GRHL2: variants seen among roughly 807,000 people sequenced by gnomAD.
The protein encoded by GRHL2 is grainyhead-like protein 2 homolog.
GRHL2 carries 21 observed loss-of-function variants against 83.8 expected under a neutral mutation model. The ratio of observed to expected loss-of-function variants is 0.25; its 90% CI spans 0.18 to 0.36. GRHL2 has a LOEUF of 0.36. GRHL2 is among the 10% of genes least tolerant of loss of function. GRHL2 has a pLI of 1.00. For missense variants in GRHL2, 623 were observed against 781.8 expected (o/e 0.80, Z 2.42); for synonymous variants, 280 against 278.9 (o/e 1.00, Z -0.04).
At chr8:101,528,309 G>A (rs550648074) in intron 1 of GRHL2, among the ~76,000 whole-genome samples, 13 of 152,016 alleles carry the variant, frequency 8.6e-5, no homozygotes, top group African/African-American at 1.4e-4. Context: ...TTCAGTCCTC[G>A]TACAAACTTT....
chr8:101,672,347 A>T (rs1937541799), downstream of GRHL2, among the ~76,000 whole-genome samples: 1 of 151,756 alleles, frequency 6.6e-6, no homozygotes, highest in Non-Finnish European at 1.5e-5. Context: ...ACCAATGCAG[A>T]GAAGTCCTTA....
rs56301334 is a variant in GRHL2 at position 101,643,369 on chromosome 8, C to CAAAA, written c.1518-738_1518-735dup. Reference sequence around the variant, plus strand: ...CTATCCTCTTAGTTTCTGTTTCTCTCAAAAAAAAAAAAAAAAAAAAAAAAA... The same window carrying CAAAA: ...CTATCCTCTTAGTTTCTGTTTCTCTCAAAAAAAAAAAAAAAAAAAAAAAAAAAAA... On this transcript the variant is annotated intron_variant, in intron 12 of 15. Coordinates refer to ENST00000646743, the MANE Select transcript of GRHL2 (RefSeq NM_024915.4). Among the ~76,000 whole-genome samples the CAAAA allele has an allele frequency of 3.5e-3, 335 of 96,928 alleles. 6 individuals are homozygous for CAAAA. The highest frequency in any genetic ancestry group is 9.8e-3 in the African/African-American group (271 of 27,598). 63.6% of individuals were successfully genotyped at this position (96,928 alleles called of 152,430 possible). A position where few individuals can be genotyped will look rare whatever the true frequency, so the allele number is the denominator to read the frequency against.
intron 6 of GRHL2, among the ~76,000 whole-genome samples, chr8:101,574,801 CAA>C (rs1176019845): frequency 6.6e-6 from 1 of 152,180 alleles, no homozygotes; most frequent in Non-Finnish European, 1.5e-5. Flanking sequence ...ATAATAATAA[CAA>C]GAGTCATAAA....
chr8:101,655,316 T>C (rs984557022), intron 14 of GRHL2, among the ~76,000 whole-genome samples: 5 of 152,212 alleles, frequency 3.3e-5, no homozygotes, highest in African/African-American at 1.2e-4. Flanking sequence ...ATCATAACTG[T>C]GTAGTCTTGA....
downstream of GRHL2, among the ~76,000 whole-genome samples, chr8:101,674,674 T>C (rs1030254196): frequency 9.9e-5 from 15 of 151,952 alleles, no homozygotes; most frequent in Admixed American, 2.6e-4. Context: ...TTCCAATCAA[T>C]AGAAAAAGAG....
At chr8:101,573,569 T>G in intron 5 of GRHL2, 99 bp from the exon 6 acceptor site, 7 of 1,415,472 alleles carry the variant, frequency 4.9e-6, no homozygotes, top group Non-Finnish European at 7.0e-6. Flanking sequence ...ACAGTAAACA[T>G]TGGTTAATGT....
intron 9 of GRHL2, among the ~76,000 whole-genome samples, chr8:101,626,260 A>T (rs1456805656): frequency 6.6e-6 from 1 of 152,008 alleles, no homozygotes; most frequent in Non-Finnish European, 1.5e-5. Context: ...TTGATTTCTA[A>T]TTAATCAATC....
the GRHL2 span, among the ~76,000 whole-genome samples, chr8:101,678,396 A>T: frequency 6.6e-6 from 1 of 152,104 alleles, no homozygotes; most frequent in African/African-American, 2.4e-5. Context: ...ACGGCGCACC[A>T]CGAGATTATA....
At chr8:101,530,253 T>C (rs971752925) in intron 1 of GRHL2, among the ~76,000 whole-genome samples, 3 of 152,196 alleles carry the variant, frequency 2.0e-5, no homozygotes. Context: ...TCCCCTAGAA[T>C]TGCATTAACA....
chr8:101,540,998 C>T (rs909605300), intron 1 of GRHL2, among the ~76,000 whole-genome samples: 5 of 152,110 alleles, frequency 3.3e-5, no homozygotes, highest in African/African-American at 1.2e-4. Context: ...AGCTGCTTAG[C>T]TCCCACTTAT....
intron 8 of GRHL2, among the ~76,000 whole-genome samples, chr8:101,609,912 G>A (rs1563606269): frequency 6.6e-6 from 1 of 150,972 alleles, no homozygotes; most frequent in South Asian, 2.1e-4. Flanking sequence ...CAAGTTTTAA[G>A]TATTAAACAT....
At chr8:101,526,525 C>CTTTTTTTT (rs33928032) in intron 1 of GRHL2, among the ~76,000 whole-genome samples, 24 of 109,656 alleles carry the variant, frequency 2.2e-4, no homozygotes, top group East Asian at 8.0e-4. Context: ...TCTTTTTTTC[C>CTTTTTTTT]TTTTTTTTTT....
At chr8:101,679,471 G>A in the GRHL2 span, among the ~76,000 whole-genome samples, 3 of 149,884 alleles carry the variant, frequency 2.0e-5, no homozygotes, top group Non-Finnish European at 4.4e-5. Context: ...AAAGTGATGG[G>A]GAGAATGGAA....
At chr8:101,629,104 G>A (rs558092185) in intron 9 of GRHL2, among the ~76,000 whole-genome samples, 1 of 152,292 alleles carries the variant, frequency 6.6e-6, no homozygotes, top group Admixed American at 6.5e-5. Context: ...CTATCAAACA[G>A]CATCACGTGT....
chr8:101,569,176 C>T (rs529456852), intron 4 of GRHL2, among the ~76,000 whole-genome samples: 12 of 152,162 alleles, frequency 7.9e-5, no homozygotes, highest in Non-Finnish European at 1.3e-4. Context: ...CTACAATATT[C>T]GCTTCCGATC....
intron 1 of GRHL2, among the ~76,000 whole-genome samples, chr8:101,513,466 GTC>G (rs943268673): frequency 4.8e-5 from 7 of 147,088 alleles, no homozygotes; most frequent in African/African-American, 1.8e-4. Flanking sequence ...GTGTGTATGT[GTC>G]TCTGTGTATG....
intron 5 of GRHL2, 104 bp from the exon 6 acceptor site, chr8:101,573,564 A>G (rs1811869513): frequency 7.2e-7 from 1 of 1,397,784 alleles, no homozygotes; most frequent in African/African-American, 1.4e-5. Flanking sequence ...CTAAAACAGT[A>G]AACATTGGTT....
intron 15 of GRHL2, 64 bp from the exon 16 acceptor site, chr8:101,666,525 C>A: frequency 1.1e-6 from 1 of 945,324 alleles, no homozygotes; most frequent in East Asian, 2.4e-5. Flanking sequence ...CTGGAGCTCC[C>A]CTTGCCCTGG....
chr8:101,580,835 C>G (rs1331004882), intron 7 of GRHL2, among the ~76,000 whole-genome samples: 1 of 152,136 alleles, frequency 6.6e-6, no homozygotes, highest in Non-Finnish European at 1.5e-5. Flanking sequence ...TCCTGAGTAG[C>G]TGGGGCTACA....
Sources: allele counts gnomAD v4.1 joint callset (sites outside exome capture counted in the v4.1 genomes callset), GRCh38; gene constraint gnomAD v4.1.1; transcripts MANE v1.5; gene names NCBI Gene and HGNC (gene_info 2026-07-23, HGNC 2026-07-21).